TYW1: variants seen among roughly 807,000 people sequenced by gnomAD.
TYW1 encodes the protein S-adenosyl-L-methionine-dependent tRNA 4-demethylwyosine synthase TYW1.
In TYW1, 46 loss-of-function variants were observed where a neutral mutation model predicts 96.2. The observed-to-expected ratio is 0.48, with a 90% CI of 0.38 to 0.61. TYW1 has a LOEUF of 0.61. TYW1 is among the 20% of genes least tolerant of loss of function. TYW1 has a pLI of 0.00. For synonymous variants in TYW1, 274 were observed against 323.0 expected (o/e 0.85, Z 1.63); for missense variants, 684 against 909.6 (o/e 0.75, Z 3.19).
chr7:67,053,192 G>A (rs13307524), intron 8 of TYW1, among the ~76,000 whole-genome samples: 28 of 150,596 alleles, frequency 1.9e-4, no homozygotes, highest in Non-Finnish European at 3.1e-4. Context: ...GGCTCAATAT[G>A]GGGCTAATTA....
At chr7:67,123,880 AAAGG>A in intron 13 of TYW1, among the ~76,000 whole-genome samples, 1 of 152,352 alleles carries the variant, frequency 6.6e-6, no homozygotes, top group East Asian at 1.9e-4. Context: ...ACTATGTCAA[AAAGG>A]AAGTATGGTG....
chr7:67,097,525 A>G (rs1255287279), intron 11 of TYW1, among the ~76,000 whole-genome samples: 2 of 152,108 alleles, frequency 1.3e-5, no homozygotes, highest in Non-Finnish European at 2.9e-5. Context: ...CAGCCTCCCG[A>G]GTAGCTGGGA....
intron 3 of TYW1, among the ~76,000 whole-genome samples, chr7:66,999,580 C>T (rs1442984379): frequency 2.0e-5 from 3 of 152,168 alleles, no homozygotes; most frequent in Non-Finnish European, 4.4e-5. Context: ...TCTCAAACTC[C>T]TGGGCTCAGG....
In TYW1 at chr7:67,142,858, C is replaced by T. The variant is rs1036994865; in HGVS notation, c.1698+25240C>T. On this transcript the variant is annotated intron_variant, in intron 13 of 15. Transcript: ENST00000359626. Reference sequence around the variant, plus strand: ...CCTGAGGTCAGGAATTCGAGAGCAGCCTGGCCAACATGGTGAAACCCCATC... The same window carrying T: ...CCTGAGGTCAGGAATTCGAGAGCAGTCTGGCCAACATGGTGAAACCCCATC... 1.2e-4 allele frequency among the ~76,000 whole-genome samples: 18 copies of T among 152,074 alleles called. 1 individual carries two copies. The highest frequency in any genetic ancestry group is 9.8e-4 in the Admixed American group (15 of 15,270).
At chr7:67,130,967 T>C (rs1798054431) in intron 13 of TYW1, among the ~76,000 whole-genome samples, 1 of 152,170 alleles carries the variant, frequency 6.6e-6, no homozygotes, top group African/African-American at 2.4e-5. Flanking sequence ...TTATGCCTTT[T>C]TGTTCACTGT....
intron 15 of TYW1, among the ~76,000 whole-genome samples, chr7:67,199,405 C>G (rs1800514915): frequency 6.6e-6 from 1 of 152,178 alleles, no homozygotes; most frequent in Admixed American, 6.5e-5. Flanking sequence ...CCCAGTTCTT[C>G]TGTTTCTCTC....
chr7:67,052,683 T>C (rs1795393892), intron 8 of TYW1, among the ~76,000 whole-genome samples: 1 of 152,208 alleles, frequency 6.6e-6, no homozygotes, highest in Admixed American at 6.5e-5. Flanking sequence ...TTTGATTGGA[T>C]GTCAGACCTA....
chr7:67,212,936 C>T (rs1238488992), intron 15 of TYW1, among the ~76,000 whole-genome samples: 7 of 152,108 alleles, frequency 4.6e-5, no homozygotes, highest in Non-Finnish European at 7.4e-5. Flanking sequence ...AGTGCAATGG[C>T]GAGATCTCAG....
intron 4 of TYW1, among the ~76,000 whole-genome samples, chr7:67,011,700 C>T (rs1386755325): frequency 2.6e-5 from 4 of 151,926 alleles, no homozygotes; most frequent in East Asian, 1.9e-4. Context: ...GGTGAAACCA[C>T]GTCTCTACTC....
chr7:67,161,407 T>C (rs1261665575), intron 13 of TYW1, among the ~76,000 whole-genome samples: 1 of 152,238 alleles, frequency 6.6e-6, no homozygotes, highest in African/African-American at 2.4e-5. Context: ...CTAAAGCTTA[T>C]GTTCTAATTG....
chr7:67,194,863 C>G (rs1402748483), intron 14 of TYW1, among the ~76,000 whole-genome samples: 1 of 143,068 alleles, frequency 7.0e-6, no homozygotes, highest in Admixed American at 6.9e-5. Flanking sequence ...AATCAAAAGA[C>G]ATGCTGTTGA....
rs1795889158 is a variant in TYW1 at position 67,067,050 on chromosome 7, C to T, written c.1156-235C>T. On this transcript the variant is annotated intron_variant, in intron 9 of 15. Transcript: ENST00000359626. ...AAAATGAAAGCATTAGTGGTTCTCC[C>T]TGTAGAGTTTTCAGAGTTAATGAAT... 16 of 530,654 alleles carry T rather than the reference C, an allele frequency of 3.0e-5. 1 individual carries two copies. The highest frequency in any genetic ancestry group is 5.2e-4 in the Middle Eastern group (1 of 1,938). The allele number at this position is 530,654 out of a possible 1,614,324, so 32.9% of individuals were successfully genotyped here.
At chr7:67,192,894 G>T (rs1471497917) in intron 14 of TYW1, among the ~76,000 whole-genome samples, 3 of 152,204 alleles carry the variant, frequency 2.0e-5, no homozygotes, top group Non-Finnish European at 4.4e-5. Context: ...TAAGTGATTG[G>T]TGGAAGGAAA....
chr7:67,006,977 T>TTTTTTTTTTTTTC (rs1562962029), intron 3 of TYW1, among the ~76,000 whole-genome samples: 1 of 113,142 alleles, frequency 8.8e-6, no homozygotes, highest in African/African-American at 3.2e-5. Flanking sequence ...TTTTTTTTTT[T>TTTTTTTTTTTTTC]AACAGCCATC....
At chr7:67,005,856 T>C (rs953531183) in intron 3 of TYW1, among the ~76,000 whole-genome samples, 7 of 152,148 alleles carry the variant, frequency 4.6e-5, no homozygotes, top group African/African-American at 1.7e-4. Flanking sequence ...TGGCTCTTTG[T>C]TAACTCTCTT....
chr7:67,051,730 TTG>T (rs1491065979), intron 8 of TYW1, among the ~76,000 whole-genome samples: 6 of 134,574 alleles, frequency 4.5e-5, no homozygotes, highest in South Asian at 2.3e-4. Context: ...TTTTGTTTTT[TTG>T]TTTTTTTTTT....
At chr7:67,015,582 C>G (rs1562966322) in intron 5 of TYW1, among the ~76,000 whole-genome samples, 2 of 151,974 alleles carry the variant, frequency 1.3e-5, no homozygotes, top group Non-Finnish European at 2.9e-5. Flanking sequence ...AAACTCCTGG[C>G]CTCAAGCAGT....
intron 9 of TYW1, among the ~76,000 whole-genome samples, chr7:67,059,496 C>T (rs1250499605): frequency 1.3e-5 from 2 of 151,112 alleles, no homozygotes; most frequent in East Asian, 1.9e-4. Flanking sequence ...ACAAGGGTGA[C>T]GGCAGTCTGA....
At chr7:67,015,994 G>A (rs1388290967) in intron 5 of TYW1, among the ~76,000 whole-genome samples, 1 of 151,702 alleles carries the variant, frequency 6.6e-6, no homozygotes, top group African/African-American at 2.4e-5. Context: ...ATTTTTCAAG[G>A]GAAATGAAGG....
Sources: gnomAD v4.1 joint callset for allele counts (sites outside exome capture counted in the v4.1 genomes callset) on GRCh38, gnomAD v4.1.1 for gene constraint, MANE v1.5 for transcripts, NCBI Gene and HGNC (gene_info 2026-07-23, HGNC 2026-07-21) for gene names.